The following TBC1D1 variants were observed in gnomAD, a reference collection of about 807,000 sequenced individuals.
TBC1D1 encodes the protein TBC1 (tre-2/USP6, BUB2, cdc16) domain family, member 1.
A neutral mutation model predicts 125.6 loss-of-function variants in TBC1D1; 89 were observed. The observed-to-expected ratio is 0.71, with a 90% CI of 0.60 to 0.85. TBC1D1 has a LOEUF of 0.85. Among genes scored for constraint, TBC1D1 ranks in the 40% least tolerant of loss-of-function variants. TBC1D1 has a pLI of 0.00. For synonymous variants in TBC1D1, 565 were observed against 564.1 expected, an observed-to-expected ratio of 1.00 and a Z score of -0.02; for missense variants, 1,377 against 1,469.2, an observed-to-expected ratio of 0.94 and a Z score of 1.03.
intron 8 of TBC1D1, among the ~76,000 whole-genome samples, chr4:38,037,150 T>C (rs1747371457): frequency 6.6e-6 from 1 of 152,114 alleles, no homozygotes; most frequent in African/African-American, 2.4e-5. Context: ...AGTCTTCTTT[T>C]ACTAAACATT....
intron 16 of TBC1D1, 71 bp downstream of exon 18, chr4:38,116,025 C>T: frequency 6.5e-7 from 1 of 1,541,730 alleles, no homozygotes; most frequent in Non-Finnish European, 8.8e-7. Context: ...TCCAGATGTG[C>T]CTCAGGAGCT....
chr4:37,966,721 A>C (rs1731148598), intron 2 of TBC1D1, among the ~76,000 whole-genome samples: 1 of 152,210 alleles, frequency 6.6e-6, no homozygotes, highest in Non-Finnish European at 1.5e-5. Flanking sequence ...CCATCAACTC[A>C]TCATTTACAT....
At chr4:38,103,884 GCA>G (rs1198502996) in intron 15 of TBC1D1, among the ~76,000 whole-genome samples, 1 of 152,190 alleles carries the variant, frequency 6.6e-6, no homozygotes, top group Non-Finnish European at 1.5e-5. Flanking sequence ...ATGTGGCCGG[GCA>G]CAGTGGCTCA....
intron 1 of TBC1D1, among the ~76,000 whole-genome samples, chr4:37,898,414 A>G (rs768325215): frequency 1.1e-4 from 16 of 152,240 alleles, no homozygotes; most frequent in Non-Finnish European, 2.2e-4. Flanking sequence ...TCCTGTTTCT[A>G]CACACCTTGT....
Position 38,126,002 on chromosome 4 carries a change from A to ATTATTAT in TBC1D1, c.3132+872_3132+873insTATTATT, listed in dbSNP as rs1459377408. Among the ~76,000 whole-genome samples, 6 of 152,332 alleles carry ATTATTAT rather than the reference A, an allele frequency of 3.9e-5. 1 individual carries two copies. The South Asian group carries it at 1.0e-3, about 26-fold the overall frequency. ...AGTCATGTGTCACTTAATAATAGCA[A>ATTATTAT]TACGTTTTGAGAACTGCATCATTAG... On this transcript the variant is annotated intron_variant, in intron 18 of 19. Transcript: ENST00000261439.
chr4:38,037,276 G>GT lies in TBC1D1; in HGVS notation c.1413+1588dup, dbSNP rs1288528250. ...CATCCAATGGAGAAATGTGTTTAAT[G>GT]TTTTTTTTTTACCCAAAAAAACATA... On this transcript the variant is annotated intron_variant, in intron 8 of 19. Transcript: ENST00000261439. Among the ~76,000 whole-genome samples, 782 of 147,924 alleles carry GT rather than the reference G, an allele frequency of 5.3e-3. 8 individuals are homozygous for GT. The highest frequency in any genetic ancestry group is 0.018 in the East Asian group (91 of 5,052).
intron 2 of TBC1D1, among the ~76,000 whole-genome samples, chr4:37,946,911 C>A (rs897539375): frequency 6.6e-6 from 1 of 152,142 alleles, no homozygotes; most frequent in African/African-American, 2.4e-5. Flanking sequence ...ACTAAGGTTC[C>A]TAGCCGCTTT....
At chr4:37,946,451 T>C (rs1398098753) in intron 2 of TBC1D1, among the ~76,000 whole-genome samples, 1 of 152,238 alleles carries the variant, frequency 6.6e-6, no homozygotes, top group South Asian at 2.1e-4. Context: ...CCCATAAATA[T>C]GTACACTTAT....
At chr4:37,939,188 T>C (rs1325999674) in intron 2 of TBC1D1, among the ~76,000 whole-genome samples, 1 of 152,368 alleles carries the variant, frequency 6.6e-6, no homozygotes, top group East Asian at 1.9e-4. Context: ...CCAGCACCTG[T>C]TGTTTCCTGA....
chr4:38,116,790 A>G (rs1285549851), intron 16 of TBC1D1, among the ~76,000 whole-genome samples: 1 of 152,196 alleles, frequency 6.6e-6, no homozygotes, highest in East Asian at 1.9e-4. Context: ...GCACATGTTG[A>G]TATGTTCATT....
At chr4:38,079,233 T>C (rs1245861720) in intron 12 of TBC1D1, among the ~76,000 whole-genome samples, 1 of 152,240 alleles carries the variant, frequency 6.6e-6, no homozygotes, top group Non-Finnish European at 1.5e-5. Flanking sequence ...GAGTCATCAG[T>C]CTGTCTCTGA....
chr4:38,116,695 G>A (rs199562296), intron 16 of TBC1D1, among the ~76,000 whole-genome samples: 15 of 152,306 alleles, frequency 9.8e-5, no homozygotes, highest in East Asian at 3.9e-4. Context: ...ACACAGTAGC[G>A]TATTGCAAAT....
intron 2 of TBC1D1, among the ~76,000 whole-genome samples, chr4:37,983,119 CTCT>C (rs1734695512): frequency 8.0e-6 from 1 of 124,934 alleles, no homozygotes; most frequent in African/African-American, 3.2e-5. Context: ...TTTCCCCAAA[CTCT>C]TTTTTTTTTT....
At chr4:37,918,209 C>T (rs1720121258) in intron 2 of TBC1D1, among the ~76,000 whole-genome samples, 1 of 152,068 alleles carries the variant, frequency 6.6e-6, no homozygotes, top group Non-Finnish European at 1.5e-5. Context: ...TTTTTCTTTC[C>T]ACCATATTAT....
chr4:38,109,036 G>C (rs1341168077), intron 15 of TBC1D1, among the ~76,000 whole-genome samples: 3 of 152,212 alleles, frequency 2.0e-5, no homozygotes, highest in African/African-American at 7.2e-5. Context: ...TCACTAGCAG[G>C]GGTGCTGGCG....
At chr4:37,940,809 T>C (rs1577960651) in intron 2 of TBC1D1, among the ~76,000 whole-genome samples, 1 of 152,232 alleles carries the variant, frequency 6.6e-6, no homozygotes, top group Non-Finnish European at 1.5e-5. Context: ...TGGTTCTGTT[T>C]ATATGCTGGA....
At chr4:37,924,800 C>T (rs1045499336) in intron 2 of TBC1D1, among the ~76,000 whole-genome samples, 1 of 152,084 alleles carries the variant, frequency 6.6e-6, no homozygotes, top group Non-Finnish European at 1.5e-5. Flanking sequence ...TTGTTTTTAC[C>T]CTTTGGCTAC....
intron 17 of TBC1D1, among the ~76,000 whole-genome samples, chr4:38,119,744 G>A (rs1413232202): frequency 6.6e-6 from 1 of 152,218 alleles, no homozygotes; most frequent in Non-Finnish European, 1.5e-5. Flanking sequence ...ATGAAGAGGA[G>A]TGAGGATGGA....
intron 2 of TBC1D1, among the ~76,000 whole-genome samples, chr4:37,974,650 C>A (rs143901078): frequency 6.6e-6 from 1 of 152,098 alleles, no homozygotes; most frequent in African/African-American, 2.4e-5. Flanking sequence ...GTAGGCCTCC[C>A]GGGTTCCAGT....
Sources: allele counts gnomAD v4.1 joint callset (sites outside exome capture counted in the v4.1 genomes callset), GRCh38; gene constraint gnomAD v4.1.1; transcripts MANE v1.5; gene names NCBI Gene and HGNC (gene_info 2026-07-23, HGNC 2026-07-21).